The following CTNNA3 variants were observed in gnomAD, a reference collection of about 807,000 sequenced individuals.
CTNNA3 encodes the protein catenin alpha 3, also known as catenin alpha-3.
A neutral mutation model predicts 95.7 loss-of-function variants in CTNNA3; 76 were observed. The observed-to-expected ratio is 0.79, with a 90% confidence interval of 0.66 to 0.96. The LOEUF (loss-of-function observed/expected upper bound fraction) is 0.96. Among genes scored for constraint, CTNNA3 ranks in the 40% least tolerant of loss-of-function variants. The probability of loss-of-function intolerance (pLI) is 0.00; values close to 1 mark genes in which losing one functional copy is unlikely to be tolerated. For synonymous variants in CTNNA3, 431 were observed against 374.4 expected (o/e 1.15, Z -1.74); for missense variants, 1,191 against 1,089.8 (o/e 1.09, Z -1.31).
At chr10:66,459,861 T>C (rs1004358402) in intron 11 of CTNNA3, among the ~76,000 whole-genome samples, 1 of 152,196 alleles carries the variant, frequency 6.6e-6, no homozygotes, top group African/African-American at 2.4e-5. Flanking sequence ...TTAAACACTA[T>C]CATGTAATGA....
chr10:66,568,105 G>T (rs1842766974), intron 10 of CTNNA3, among the ~76,000 whole-genome samples: 1 of 152,136 alleles, frequency 6.6e-6, no homozygotes, highest in Non-Finnish European at 1.5e-5. Context: ...CAGGTAGTAG[G>T]TAGCTTCTAA....
chr10:66,680,248 T>C (rs1352213990), intron 9 of CTNNA3, among the ~76,000 whole-genome samples: 2 of 152,024 alleles, frequency 1.3e-5, no homozygotes, highest in African/African-American at 4.8e-5. Flanking sequence ...GCCAGGATGG[T>C]CTCAATCTCC....
intron 7 of CTNNA3, among the ~76,000 whole-genome samples, chr10:66,944,297 T>C (rs1452497172): frequency 6.6e-6 from 1 of 152,182 alleles, no homozygotes; most frequent in Non-Finnish European, 1.5e-5. Context: ...GAGACAACTT[T>C]CTCTGTTCAT....
At chr10:67,213,740 A>G (rs970571291) in intron 6 of CTNNA3, among the ~76,000 whole-genome samples, 9 of 151,956 alleles carry the variant, frequency 5.9e-5, no homozygotes, top group Non-Finnish European at 1.2e-4. Context: ...GATTCCAAAT[A>G]GTAGGGTAAT....
intron 14 of CTNNA3, among the ~76,000 whole-genome samples, chr10:66,073,677 C>G (rs138964438): frequency 6.6e-6 from 1 of 152,016 alleles, no homozygotes; most frequent in Non-Finnish European, 1.5e-5. Context: ...TATTACCATT[C>G]CTGCTGTCTT....
At chr10:66,093,550 T>G (rs140892788) in intron 14 of CTNNA3, among the ~76,000 whole-genome samples, 19 of 152,132 alleles carry the variant, frequency 1.2e-4, no homozygotes, top group African/African-American at 4.3e-4. Context: ...ATCCTAACTC[T>G]CTGTCAGAAA....
chr10:67,573,007 T>C (rs1205694093), intron 3 of CTNNA3, among the ~76,000 whole-genome samples: 1 of 152,174 alleles, frequency 6.6e-6, no homozygotes, highest in African/African-American at 2.4e-5. Flanking sequence ...GAGGATCACT[T>C]GAGCCTGAGA....
intron 11 of CTNNA3, among the ~76,000 whole-genome samples, chr10:66,485,441 C>G (rs368307895): frequency 6.6e-6 from 1 of 151,952 alleles, no homozygotes; most frequent in East Asian, 1.9e-4. Context: ...TGTTTCTCTA[C>G]GCTAACAGGG....
chr10:66,309,685 CAAAAAAAAA>C (rs60400266), intron 12 of CTNNA3, among the ~76,000 whole-genome samples: 4 of 41,770 alleles, frequency 9.6e-5, no homozygotes, highest in Admixed American at 8.0e-4. Flanking sequence ...GACTCCGTCT[CAAAAAAAAA>C]AAAAAAAAAA....
chr10:67,198,708 A>T (rs1863492778), intron 6 of CTNNA3, among the ~76,000 whole-genome samples: 2 of 152,156 alleles, frequency 1.3e-5, no homozygotes, highest in Non-Finnish European at 1.5e-5. Context: ...CCCTGGCTTA[A>T]TATCCTTTCC....
At chr10:66,325,072 A>C (rs1032946514) in intron 12 of CTNNA3, among the ~76,000 whole-genome samples, 3 of 151,912 alleles carry the variant, frequency 2.0e-5, no homozygotes, top group Non-Finnish European at 4.4e-5. Context: ...ACAGAGGAAG[A>C]ATTTTAGAAA....
intron 1 of CTNNA3, among the ~76,000 whole-genome samples, chr10:67,762,383 CAAAAAAAAAAAAG>C (rs1841466697): frequency 5.1e-5 from 7 of 136,956 alleles, no homozygotes; most frequent in East Asian, 2.1e-4. Flanking sequence ...CTCCCCCCCC[CAAAAAAAAAAAAG>C]CCCTCTCAAA....
intron 6 of CTNNA3, among the ~76,000 whole-genome samples, chr10:67,193,882 T>C (rs2132183471): frequency 6.6e-6 from 1 of 152,212 alleles, no homozygotes; most frequent in South Asian, 2.1e-4. Flanking sequence ...TATTGAGGAA[T>C]TGACACACTA....
At chr10:66,068,488 T>A (rs2133597584) in intron 15 of CTNNA3, among the ~76,000 whole-genome samples, 1 of 152,306 alleles carries the variant, frequency 6.6e-6, no homozygotes, top group Non-Finnish European at 1.5e-5. Flanking sequence ...TCTCCATTAA[T>A]TATGATTTTA....
rs34952281 is a variant in CTNNA3 at position 66,507,710 on chromosome 10, G to GTA, written c.1531+12905_1531+12906dup. Among the ~76,000 whole-genome samples the GTA allele has an allele frequency of 1.9e-3, 290 of 150,672 alleles. 1 individual carries two copies. Among genetic ancestry groups the GTA allele is most frequent in the Middle Eastern group, 3.5e-3 (1 of 288 alleles). On this transcript the variant is annotated intron_variant, in intron 11 of 17. Transcript: ENST00000433211. ...AAATAGCTGAACAATATTCTGTTGT[G>GTA]TATATATATATATATTACATTTTCT...
intron 5 of CTNNA3, among the ~76,000 whole-genome samples, chr10:67,370,042 A>ATATG (rs1490575501): frequency 1.3e-5 from 2 of 152,184 alleles, no homozygotes; most frequent in Non-Finnish European, 2.9e-5. Context: ...ATGTATGTAT[A>ATATG]TATGTATGTA....
intron 13 of CTNNA3, among the ~76,000 whole-genome samples, chr10:66,258,843 G>A (rs2090889118): frequency 6.6e-6 from 1 of 152,152 alleles, no homozygotes; most frequent in African/African-American, 2.4e-5. Flanking sequence ...TAAAAAAGGA[G>A]TCTGTGCGTT....
chr10:66,934,595 C>T (rs187715475), intron 7 of CTNNA3, among the ~76,000 whole-genome samples: 2 of 152,112 alleles, frequency 1.3e-5, no homozygotes, highest in Admixed American at 1.3e-4. Context: ...AGTTGAATTA[C>T]AGTCTTACAA....
chr10:66,918,460 C>T (rs1398099298), intron 7 of CTNNA3, among the ~76,000 whole-genome samples: 1 of 152,120 alleles, frequency 6.6e-6, no homozygotes, highest in East Asian at 1.9e-4. Context: ...CCCCAAATAT[C>T]CACTTTGGGG....
Sources: gnomAD v4.1 joint callset for allele counts (sites outside exome capture counted in the v4.1 genomes callset) on GRCh38, gnomAD v4.1.1 for gene constraint, MANE v1.5 for transcripts, NCBI Gene and HGNC (gene_info 2026-07-23, HGNC 2026-07-21) for gene names.